The following NXN variants were observed in gnomAD, a reference collection of about 807,000 sequenced individuals.
NXN encodes the protein nucleoredoxin.
In NXN, 16 loss-of-function variants were observed where a neutral mutation model predicts 48.6. That is an observed-to-expected ratio of 0.33 (90% CI 0.22 to 0.50). NXN has a LOEUF of 0.50. Among genes scored for constraint, NXN ranks in the 20% least tolerant of loss-of-function variants. The probability of loss-of-function intolerance (pLI) is 0.98; values close to 1 mark genes in which losing one functional copy is unlikely to be tolerated. For missense variants in NXN, 492 were observed against 605.5 expected (o/e 0.81, Z 1.97); for synonymous variants, 281 against 269.6 (o/e 1.04, Z -0.41).
At chr17:882,333 C>T (rs2068293216) in intron 1 of NXN, among the ~76,000 whole-genome samples, 1 of 150,524 alleles carries the variant, frequency 6.6e-6, no homozygotes, top group South Asian at 2.2e-4. Context: ...AAACCAGAAA[C>T]CTGGCAGTCC....
intron 5 of NXN, among the ~76,000 whole-genome samples, chr17:815,686 G>T (rs1348666703): frequency 6.6e-6 from 1 of 152,246 alleles, no homozygotes; most frequent in Non-Finnish European, 1.5e-5. Flanking sequence ...TACAATGAGG[G>T]CCAGTGTCCA....
In NXN at chr17:821,510, C is replaced by T. The variant is rs1324366525; in HGVS notation, c.713+847G>A. On this transcript the variant is annotated intron_variant, in intron 4 of 7. Coordinates refer to ENST00000336868, the MANE Select transcript of NXN (RefSeq NM_022463.5). Reference sequence around the variant, plus strand: ...CGGTGGCTCATGCCTGTAATCCCAGCATTTTGGGAGGCCAAGGCAGGAGGA... The same window carrying T: ...CGGTGGCTCATGCCTGTAATCCCAGTATTTTGGGAGGCCAAGGCAGGAGGA... 2.5e-5 allele frequency among the ~76,000 whole-genome samples: 2 copies of T among 78,818 alleles called. 1 individual carries two copies. Among genetic ancestry groups the T allele is most frequent in the Non-Finnish European group, 4.7e-5 (2 of 42,178 alleles). 51.7% of individuals were successfully genotyped at this position (78,818 alleles called of 152,430 possible).
At chr17:966,790 T>TG (rs2069310192) in intron 1 of NXN, among the ~76,000 whole-genome samples, 2 of 101,250 alleles carry the variant, frequency 2.0e-5, no homozygotes, top group South Asian at 6.4e-4. Flanking sequence ...TGCATTCAGG[T>TG]GGGGGGATGA....
At chr17:888,888 G>A (rs1235108465) in intron 1 of NXN, among the ~76,000 whole-genome samples, 1 of 151,330 alleles carries the variant, frequency 6.6e-6, no homozygotes, top group Non-Finnish European at 1.5e-5. Flanking sequence ...CCAGGAGGTG[G>A]AGGTTGCTGT....
At chr17:936,233 C>T (rs2068906379) in intron 1 of NXN, among the ~76,000 whole-genome samples, 6 of 152,102 alleles carry the variant, frequency 3.9e-5, no homozygotes, top group Admixed American at 1.3e-4. Context: ...GGGCTCAATG[C>T]TGTGGGGCCT....
At chr17:823,879 T>G (rs1305340471) in intron 2 of NXN, 114 bp from the exon 3 acceptor site, 2 of 1,031,972 alleles carry the variant, frequency 1.9e-6, no homozygotes, top group East Asian at 2.5e-5. Context: ...CCGGGAGACC[T>G]CAGAGCGGCA....
rs934425213 is a variant in NXN, at chr17:825,773, G to A, written c.478+188C>T. On this transcript the variant is annotated intron_variant, in intron 2 of 7. Transcript: ENST00000336868. The surrounding 1 kb of genome is among the most constrained non-coding windows in gnomAD (Gnocchi z 4.1). ...CCCTAGGAGGGACATTCTGATCCCT[G>A]TGAAAATCTTAAAACCATGTCCTAG... The A allele has an allele frequency of 1.6e-5, 9 of 566,074 alleles. No individual in the cohort carries two copies. Among genetic ancestry groups the A allele is most frequent in the African/African-American group, 1.3e-4 (7 of 52,482 alleles). The allele number at this position is 566,074 out of a possible 1,614,324, so 35.1% of individuals were successfully genotyped here.
rs2068722691 is a variant in NXN at position 919,399 on chromosome 17, C to T, written c.360+59920G>A. On this transcript the variant is annotated intron_variant, in intron 1 of 7. Transcript: ENST00000336868. The surrounding 1 kb of genome is among the most constrained non-coding windows in gnomAD (Gnocchi z 5.1). ...AAAAAAGGTTCTGGAATGATTATTC[C>T]AATTAAACAGCTTTTATTACAATAC... Among the ~76,000 whole-genome samples the T allele has an allele frequency of 6.6e-6, 1 of 152,014 alleles. No homozygotes were observed. Among genetic ancestry groups the T allele is most frequent in the South Asian group, 2.1e-4 (1 of 4,812 alleles).
At chr17:860,141 T>TTA (rs1313042704) in intron 1 of NXN, among the ~76,000 whole-genome samples, 14 of 150,210 alleles carry the variant, frequency 9.3e-5, no homozygotes, top group African/African-American at 3.5e-4. Flanking sequence ...TATTATTATT[T>TTA]AAGACATAGT....
chr17:961,390 A>C (rs987239188), intron 1 of NXN, among the ~76,000 whole-genome samples: 1 of 151,868 alleles, frequency 6.6e-6, no homozygotes, highest in African/African-American at 2.4e-5. Flanking sequence ...GTCTCAAGAA[A>C]AAAAAAAAAG....
chr17:865,054 C>T (rs1028490643), intron 1 of NXN, among the ~76,000 whole-genome samples: 2 of 152,268 alleles, frequency 1.3e-5, no homozygotes, highest in East Asian at 1.9e-4. Flanking sequence ...CAGATCATCT[C>T]GTCCACACTG....
At chr17:977,306 A>G (rs967579647) in intron 1 of NXN, among the ~76,000 whole-genome samples, 1 of 152,216 alleles carries the variant, frequency 6.6e-6, no homozygotes, top group African/African-American at 2.4e-5. Flanking sequence ...ATGCTAACGC[A>G]CCAGGGTTTG....
intron 1 of NXN, among the ~76,000 whole-genome samples, chr17:972,103 C>A (rs1387361290): frequency 3.9e-5 from 6 of 152,176 alleles, no homozygotes; most frequent in Non-Finnish European, 5.9e-5. Context: ...GAGTTGGAGA[C>A]CAGCCAGACC....
At chr17:882,478 T>TGTTTA (rs2068295151) in intron 1 of NXN, among the ~76,000 whole-genome samples, 1 of 152,026 alleles carries the variant, frequency 6.6e-6, no homozygotes. Flanking sequence ...TGTTTTGTTT[T>TGTTTA]GTTTTGAGAT....
In NXN at chr17:805,110, C is replaced by T. The variant is rs374093065; in HGVS notation, c.958G>A (p.Ala320Thr). 3.4e-5 allele frequency: 55 copies of T among 1,609,430 alleles called. No individual in the cohort carries two copies. Among genetic ancestry groups the T allele is most frequent in the Non-Finnish European group, 4.2e-5 (50 of 1,178,570 alleles). ...CAGGGGCCCTCGTTAAGCTGCGCGG[C>T]GTTGGAGTCGGAGAGCTCCAGCACG... ...KPVLELSDSN[A>T]AQLNEGPCLV... Residue 320 changes from alanine (A) to threonine (T), a missense_variant, in exon 6 of 8, where the codon GCC becomes ACC. Physicochemically the swap from Ala to Thr is moderately conservative, Grantham distance 58 (BLOSUM62 0). Around this residue, in one of 3 missense-constraint regions of NXN, gnomAD observed 303 missense variants for 388.3 expected, o/e 0.78. Transcript: ENST00000336868.
rs2144653101 is a variant in NXN at position 825,563 on chromosome 17, C to T, written c.478+398G>A. 1 of 172,540 alleles carries T rather than the reference C, an allele frequency of 5.8e-6. No individual in the cohort carries two copies. The highest frequency in any genetic ancestry group is 1.3e-5 in the Non-Finnish European group (1 of 79,944). The allele number at this position is 172,540 out of a possible 1,614,324, so 10.7% of individuals were successfully genotyped here. A position where few individuals can be genotyped will look rare whatever the true frequency, so the allele number is the denominator to read the frequency against. Reference sequence around the variant, plus strand: ...GAGAGTGACACGGGGGCTGGGACTTCGCTATGTAATGTTTTAAAGAGGAAA... The same window carrying T: ...GAGAGTGACACGGGGGCTGGGACTTTGCTATGTAATGTTTTAAAGAGGAAA... On this transcript the variant is annotated intron_variant, in intron 2 of 7. Coordinates refer to ENST00000336868, the MANE Select transcript of NXN (RefSeq NM_022463.5). This position sits in a 1 kb window ranked among gnomAD's most constrained non-coding sequence, Gnocchi z 4.1.
chr17:856,765 C>T (rs2067990775), intron 1 of NXN, among the ~76,000 whole-genome samples: 1 of 152,052 alleles, frequency 6.6e-6, no homozygotes, highest in Non-Finnish European at 1.5e-5. Context: ...CAGGAGTGAG[C>T]CGCCGGCCAC....
chr17:965,932 T>C (rs1414101237), intron 1 of NXN, among the ~76,000 whole-genome samples: 2 of 151,780 alleles, frequency 1.3e-5, no homozygotes, highest in Admixed American at 6.6e-5. Context: ...CTGACCAACA[T>C]GGTGGAACCC....
At chr17:845,396 C>T (rs1453638612) in intron 1 of NXN, among the ~76,000 whole-genome samples, 4 of 152,096 alleles carry the variant, frequency 2.6e-5, no homozygotes, top group Non-Finnish European at 5.9e-5. Context: ...ATGGACTCAA[C>T]ATCCGAGAGA....
Sources: gnomAD v4.1 joint callset for allele counts (sites outside exome capture counted in the v4.1 genomes callset) on GRCh38, gnomAD v4.1.1 for gene constraint, gnomAD v4.1.1 regional missense constraint, Gnocchi (gnomAD v3.1) non-coding constraint, MANE v1.5 for transcripts, NCBI Gene and HGNC (gene_info 2026-07-23, HGNC 2026-07-21) for gene names.